Variants in SND1 observed in about 807,000 individuals in gnomAD.
SND1 encodes staphylococcal nuclease and tudor domain containing 1.
SND1 carries 38 observed loss-of-function variants against 121.7 expected under a neutral mutation model. The observed-to-expected ratio is 0.31, with a 90% CI of 0.24 to 0.41. The LOEUF (loss-of-function observed/expected upper bound fraction) is 0.41, where lower values mean the gene tolerates loss of function less well. Among genes scored for constraint, SND1 ranks in the 10% least tolerant of loss-of-function variants. The pLI is 1.00. For synonymous variants in SND1, 401 were observed against 447.4 expected (o/e 0.90, Z 1.31); for missense variants, 868 against 1,184.6 (o/e 0.73, Z 3.92).
chr7:127,942,831 A>G lies in SND1; in HGVS notation c.1669+13502A>G, dbSNP rs567963982. Among the ~76,000 whole-genome samples the G allele has an allele frequency of 2.0e-5, 3 of 152,362 alleles. No individual in the cohort carries two copies. In the South Asian group the frequency reaches 6.2e-4, roughly 32 times the overall value. Reference sequence around the variant, plus strand: ...TCTTCTAATAGCTGTTGGAATAACCAAGACACGAAGAGTTGCATTTGATGC... The same window carrying G: ...TCTTCTAATAGCTGTTGGAATAACCGAGACACGAAGAGTTGCATTTGATGC... On this transcript the variant is annotated intron_variant, in intron 15 of 23. Coordinates refer to ENST00000354725, the MANE Select transcript of SND1 (RefSeq NM_014390.4).
intron 15 of SND1, among the ~76,000 whole-genome samples, chr7:127,984,471 C>T (rs1250071885): frequency 6.6e-6 from 1 of 152,182 alleles, no homozygotes; most frequent in Non-Finnish European, 1.5e-5. Context: ...CTCTGTTCTC[C>T]AGGTGTGTCA....
At chr7:128,031,741 G>A (rs1792613713) in intron 16 of SND1, 1 of 144,506 alleles carries the variant, frequency 6.9e-6, no homozygotes, top group African/African-American at 2.5e-5. Flanking sequence ...GTCCGGCGGC[G>A]GCGGCGGCCG....
At chr7:127,924,780 G>A (rs533724622) in intron 14 of SND1, among the ~76,000 whole-genome samples, 2 of 152,264 alleles carry the variant, frequency 1.3e-5, no homozygotes, top group South Asian at 2.1e-4. Flanking sequence ...ACATATATTT[G>A]TATACACAGC....
At chr7:127,988,604 G>A (rs1003905838) in intron 15 of SND1, among the ~76,000 whole-genome samples, 155 of 152,338 alleles carry the variant, frequency 1.0e-3, no homozygotes, top group African/African-American at 3.5e-3. Flanking sequence ...CCAGGATTCA[G>A]GGGAGCAACT....
intron 10 of SND1, among the ~76,000 whole-genome samples, chr7:127,786,406 C>A (rs1283388397): frequency 1.3e-5 from 2 of 152,148 alleles, no homozygotes; most frequent in Non-Finnish European, 2.9e-5. Flanking sequence ...GGAACAATTT[C>A]TCTGCCCACT....
At chr7:127,958,667 A>C (rs1208759042) in intron 15 of SND1, among the ~76,000 whole-genome samples, 1 of 152,128 alleles carries the variant, frequency 6.6e-6, no homozygotes, top group East Asian at 1.9e-4. Flanking sequence ...ATCCATGCTT[A>C]CGTCCAGAGT....
At chr7:128,073,501 G>T (rs961556111) in intron 16 of SND1, among the ~76,000 whole-genome samples, 1 of 152,262 alleles carries the variant, frequency 6.6e-6, no homozygotes, top group African/African-American at 2.4e-5. Flanking sequence ...TCCTTCTGGG[G>T]AGGCATGTCA....
chr7:128,091,851 G>A lies in SND1; in HGVS notation c.2637G>A (p.Leu879=), dbSNP rs149009151. 64 of 1,614,030 alleles carry A rather than the reference G, an allele frequency of 4.0e-5. No homozygotes were observed. Among genetic ancestry groups the A allele is most frequent in the South Asian group, 3.3e-5 (3 of 91,082 alleles). The part of the protein sequence containing the change: ...KQFQKVITEY[L]NAQESAKSAR... ...CGTCCCTCCAGATCACAGAATACCTGAATGCCCAAGAGTCAGCCAAGAGCG... is the reference window on the plus strand; with the variant it reads ...CGTCCCTCCAGATCACAGAATACCTAAATGCCCAAGAGTCAGCCAAGAGCG... The change falls in exon 23 of 24, where the codon CTG becomes CTA. Residue 879 remains leucine, a synonymous_variant. Transcript: ENST00000354725.
chr7:128,002,546 C>T (rs1802861516), intron 16 of SND1, among the ~76,000 whole-genome samples: 2 of 152,174 alleles, frequency 1.3e-5, no homozygotes, highest in Admixed American at 1.3e-4. Context: ...GGAGGGGTGA[C>T]ACCAGGACTC....
intron 17 of SND1, 121 bp downstream of exon 17, chr7:128,074,811 T>G: frequency 9.9e-7 from 1 of 1,013,940 alleles, no homozygotes; most frequent in Non-Finnish European, 1.4e-6. Context: ...CAGGAAGGTG[T>G]TGGTCTCAGA....
intron 11 of SND1, among the ~76,000 whole-genome samples, chr7:127,820,062 T>A (rs1219598112): frequency 6.6e-6 from 1 of 152,228 alleles, no homozygotes; most frequent in Non-Finnish European, 1.5e-5. Context: ...GAATTCATTC[T>A]TTCTCCACCT....
chr7:127,670,063 T>C (rs1795489148), intron 1 of SND1, among the ~76,000 whole-genome samples: 1 of 152,058 alleles, frequency 6.6e-6, no homozygotes, highest in Non-Finnish European at 1.5e-5. Flanking sequence ...TGATCTCGGC[T>C]TACTGCAACC....
At chr7:127,693,934 TG>T (rs555126539) in intron 2 of SND1, among the ~76,000 whole-genome samples, 153 of 152,268 alleles carry the variant, frequency 1.0e-3, no homozygotes, top group African/African-American at 3.7e-3. Flanking sequence ...AGTGATAGGA[TG>T]GGGAGGGGCA....
intron 16 of SND1, among the ~76,000 whole-genome samples, chr7:128,055,490 CAAG>C (rs1455409469): frequency 6.6e-6 from 1 of 152,082 alleles, no homozygotes; most frequent in East Asian, 1.9e-4. Context: ...AGTGCAGGTC[CAAG>C]AAGAAGAGGT....
intron 2 of SND1, among the ~76,000 whole-genome samples, chr7:127,692,833 C>T (rs1795945394): frequency 6.6e-6 from 1 of 152,186 alleles, no homozygotes; most frequent in South Asian, 2.1e-4. Flanking sequence ...CGGTAACTAA[C>T]CAGCTGGAAA....
chr7:127,716,734 T>C (rs536374037), intron 9 of SND1, among the ~76,000 whole-genome samples: 12 of 152,334 alleles, frequency 7.9e-5, no homozygotes, highest in African/African-American at 2.4e-4. Context: ...CTATGTTAAA[T>C]GGAAGTGGCT....
chr7:128,011,727 A>G, intron 16 of SND1, among the ~76,000 whole-genome samples: 1 of 152,234 alleles, frequency 6.6e-6, no homozygotes, highest in East Asian at 1.9e-4. Context: ...AATAACTTTG[A>G]TAATTTTGGT....
At chr7:127,707,766 AGTGTGTGTGTGTGTGT>A (rs35627839) in intron 9 of SND1, 119 bp downstream of exon 9, 159 of 409,040 alleles carry the variant, frequency 3.9e-4, no homozygotes, top group Admixed American at 1.4e-3. Flanking sequence ...AGCCAGTAGG[AGTGTGTGTGTGTGTGT>A]GTGTGTGTGT....
At chr7:127,863,328 A>G (rs1056011296) in intron 12 of SND1, among the ~76,000 whole-genome samples, 1 of 152,150 alleles carries the variant, frequency 6.6e-6, no homozygotes, top group African/African-American at 2.4e-5. Context: ...CTTACTCTTA[A>G]TGGAAGCATT....
Sources: allele counts gnomAD v4.1 joint callset (sites outside exome capture counted in the v4.1 genomes callset), GRCh38; gene constraint gnomAD v4.1.1; transcripts MANE v1.5; gene names NCBI Gene and HGNC (gene_info 2026-07-23, HGNC 2026-07-21).